Variants in SPIN1 observed in about 807,000 individuals in gnomAD.
SPIN1 encodes spindlin-1.
In SPIN1, 3 loss-of-function variants were observed where a neutral mutation model predicts 26.0. That is an observed-to-expected ratio of 0.12 (90% CI 0.05 to 0.30). The LOEUF (loss-of-function observed/expected upper bound fraction) is 0.30, where lower values mean the gene tolerates loss of function less well. SPIN1 is among the 10% of genes least tolerant of loss of function. The pLI is 1.00. For missense variants in SPIN1, 126 were observed against 333.4 expected (o/e 0.38, Z 4.84); for synonymous variants, 101 against 116.5 (o/e 0.87, Z 0.86).
chr9:88,410,914 CTTTGA>C, intron 1 of SPIN1: 1 of 1,055,404 alleles, frequency 9.5e-7, no homozygotes, highest in East Asian at 2.4e-5. Flanking sequence ...CCATCTCTTG[CTTTGA>C]CAGGGCTTTC....
chr9:88,390,169 C>T (rs961501453), intron 1 of SPIN1, among the ~76,000 whole-genome samples: 6 of 152,158 alleles, frequency 3.9e-5, no homozygotes, highest in African/African-American at 1.4e-4. Flanking sequence ...CACTATATGT[C>T]TTCAGTCATC....
intron 1 of SPIN1, among the ~76,000 whole-genome samples, chr9:88,397,157 C>T (rs566538980): frequency 1.3e-5 from 2 of 152,010 alleles, no homozygotes; most frequent in Non-Finnish European, 2.9e-5. Context: ...AGTAATTTAC[C>T]TTAGCTTACT....
At chr9:88,408,143 T>C (rs983610999) in intron 1 of SPIN1, among the ~76,000 whole-genome samples, 1 of 151,902 alleles carries the variant, frequency 6.6e-6, no homozygotes, top group Non-Finnish European at 1.5e-5. Flanking sequence ...GTGATGTGTT[T>C]GGTTATATAT....
intron 1 of SPIN1, among the ~76,000 whole-genome samples, 152 bp from the exon 2 acceptor site, chr9:88,426,230 A>G (rs1057114738): frequency 2.6e-5 from 4 of 152,140 alleles, no homozygotes; most frequent in African/African-American, 9.7e-5. Context: ...GTCATGTCCT[A>G]AGAACCCAGG....
intron 1 of SPIN1, among the ~76,000 whole-genome samples, chr9:88,394,550 C>G (rs763696044): frequency 6.6e-6 from 1 of 152,080 alleles, no homozygotes; most frequent in Non-Finnish European, 1.5e-5. Context: ...AATTTACATT[C>G]TTAGCAACAT....
rs140504983 is a variant in SPIN1, at chr9:88,422,391, G to A, written c.-158-3991G>A. On this transcript the variant is annotated intron_variant, in intron 1 of 5. Transcript: ENST00000375859. ...AGTAGAATAACTTAAGGTGAAGATG[G>A]TATATCTTTAAAAAAACCTGAGCAA... is the stretch of plus-strand genomic sequence containing the variant. Among the ~76,000 whole-genome samples the A allele has an allele frequency of 9.9e-5, 15 of 152,142 alleles. 1 individual carries two copies. In the East Asian group the frequency reaches 2.9e-3, roughly 29 times the overall value.
intron 2 of SPIN1, among the ~76,000 whole-genome samples, chr9:88,448,403 C>T (rs1033384347): frequency 6.6e-6 from 1 of 151,952 alleles, no homozygotes; most frequent in Non-Finnish European, 1.5e-5. Context: ...CCAGACTGGA[C>T]TGCAGTGGCA....
intron 5 of SPIN1, among the ~76,000 whole-genome samples, chr9:88,472,128 C>T (rs1828802587): frequency 1.3e-5 from 2 of 152,058 alleles, no homozygotes; most frequent in Admixed American, 1.3e-4. Flanking sequence ...AGTGTTTTGA[C>T]TATTCTGGGT....
intron 1 of SPIN1, among the ~76,000 whole-genome samples, chr9:88,402,054 G>A (rs1038867722): frequency 6.6e-6 from 1 of 152,036 alleles, no homozygotes; most frequent in Non-Finnish European, 1.5e-5. Context: ...GCGGCGGTGC[G>A]ATCTTGGCTT....
intron 1 of SPIN1, 138 bp downstream of exon 1, chr9:88,388,676 C>T (rs1260962046): frequency 6.8e-6 from 1 of 148,076 alleles, no homozygotes; most frequent in African/African-American, 2.4e-5. Context: ...GCGGGCGGCG[C>T]CCGCATAGCG....
chr9:88,462,782 C>T, intron 4 of SPIN1, 33 bp downstream of exon 4: 1 of 1,551,456 alleles, frequency 6.4e-7, no homozygotes, highest in South Asian at 1.2e-5. Context: ...GCATTATATA[C>T]TTTAAAAATG....
chr9:88,469,299 T>G (rs1828732481), intron 5 of SPIN1, among the ~76,000 whole-genome samples: 1 of 152,208 alleles, frequency 6.6e-6, no homozygotes, highest in African/African-American at 2.4e-5. Context: ...GCTCACCTCC[T>G]GCTGTGCGGC....
rs1356626608 is a variant in SPIN1, at chr9:88,409,029, C to T, written c.-158-17353C>T. Among the ~76,000 whole-genome samples the T allele has an allele frequency of 2.1e-5, 3 of 139,902 alleles. No homozygotes were observed. The East Asian group carries it at 6.3e-4, about 30-fold the overall frequency. The allele number at this position is 139,902 out of a possible 152,430, so 91.8% of individuals were successfully genotyped here. A position where few individuals can be genotyped will look rare whatever the true frequency, so the allele number is the denominator to read the frequency against. The stretch of plus-strand genomic sequence containing the variant: ...TGTGTGTTTGAGATGAATTTTTGCT[C>T]TTGTTGCCCAGGCTGGAGTGCAATG... On this transcript the variant is annotated intron_variant, in intron 1 of 5. Coordinates refer to ENST00000375859, the MANE Select transcript of SPIN1 (RefSeq NM_006717.3).
chr9:88,400,248 T>C (rs753105565), intron 1 of SPIN1, among the ~76,000 whole-genome samples: 1 of 152,194 alleles, frequency 6.6e-6, no homozygotes, highest in African/African-American at 2.4e-5. Context: ...TATGCTGCAC[T>C]CTAAAAGATT....
At position 88,430,895 on chromosome 9, in the gene SPIN1, T is replaced by C. The variant is rs200960471; in HGVS notation, c.52+4304T>C. Among the ~76,000 whole-genome samples the C allele has an allele frequency of 1.2e-4, 18 of 151,448 alleles. 1 individual carries two copies. Among genetic ancestry groups the C allele is most frequent in the East Asian group, 7.7e-4 (4 of 5,162 alleles). On this transcript the variant is annotated intron_variant, in intron 2 of 5. Transcript: ENST00000375859. ...TGATATATTTTTTCTTTTTTTTTTTTTTTTGAGATGGAGTTTTGCTCTTGT... is the reference window on the plus strand; with the variant it reads ...TGATATATTTTTTCTTTTTTTTTTTCTTTTGAGATGGAGTTTTGCTCTTGT...
At chr9:88,431,672 T>A (rs1827875500) in intron 2 of SPIN1, among the ~76,000 whole-genome samples, 1 of 152,200 alleles carries the variant, frequency 6.6e-6, no homozygotes, top group Non-Finnish European at 1.5e-5. Flanking sequence ...TAGAATTGGC[T>A]TTTTATGTCT....
At position 88,426,977 on chromosome 9, in the gene SPIN1, A is replaced by C. The variant is rs116143437; in HGVS notation, c.52+386A>C. On this transcript the variant is annotated intron_variant, in intron 2 of 5. Transcript: ENST00000375859. The stretch of plus-strand genomic sequence containing the variant: ...GATAAACTTGGAATTTCTTGTGTTT[A>C]CTTGAAAGAAGTTTACTGGTGTGGA... Among the ~76,000 whole-genome samples the C allele has an allele frequency of 7.4e-3, 1,130 of 152,292 alleles. 16 individuals carry two copies. The highest frequency in any genetic ancestry group is 0.025 in the African/African-American group (1,059 of 41,570).
At chr9:88,455,412 C>T (rs540284277) in intron 3 of SPIN1, among the ~76,000 whole-genome samples, 2 of 152,296 alleles carry the variant, frequency 1.3e-5, no homozygotes, top group African/African-American at 4.8e-5. Flanking sequence ...GCTGAGATCA[C>T]GCCATTGCAC....
intron 1 of SPIN1, among the ~76,000 whole-genome samples, chr9:88,407,057 A>G (rs573228858): frequency 2.8e-5 from 4 of 144,848 alleles, no homozygotes; most frequent in East Asian, 2.0e-4. Flanking sequence ...AACACCCTTT[A>G]TGCTTCCCAC....
Sources: gnomAD v4.1 joint callset for allele counts (sites outside exome capture counted in the v4.1 genomes callset) on GRCh38, gnomAD v4.1.1 for gene constraint, MANE v1.5 for transcripts, NCBI Gene and HGNC (gene_info 2026-07-23, HGNC 2026-07-21) for gene names.